The following IQSEC3 variants were observed in gnomAD, a reference collection of about 807,000 sequenced individuals.
IQSEC3 encodes IQ motif and Sec7 domain ArfGEF 3.
IQSEC3 carries 50 observed loss-of-function variants against 105.4 expected under a neutral mutation model. The observed-to-expected ratio is 0.47, with a 90% CI of 0.38 to 0.60. IQSEC3 has a LOEUF of 0.60. Ranked by LOEUF, IQSEC3 falls within the 20% of genes least tolerant of loss-of-function variation. The pLI, the probability that IQSEC3 is intolerant of heterozygous loss-of-function variation, is 0.00. For missense variants in IQSEC3, 1,415 were observed against 1,630.0 expected (o/e 0.87, Z 2.27); for synonymous variants, 708 against 746.0 (o/e 0.95, Z 0.83).
chr12:137,795 C>T (rs1865827246), intron 3 of IQSEC3, among the ~76,000 whole-genome samples: 1 of 151,702 alleles, frequency 6.6e-6, no homozygotes, highest in Non-Finnish European at 1.5e-5. Flanking sequence ...CTGAGGACCA[C>T]AGGCGTGCGC....
chr12:89,392 T>A (rs1193090474), intron 1 of IQSEC3, among the ~76,000 whole-genome samples: 2 of 152,196 alleles, frequency 1.3e-5, no homozygotes, highest in African/African-American at 2.4e-5. Flanking sequence ...AGCCTCTTGA[T>A]AAAATAGCAA....
intron 1 of IQSEC3, among the ~76,000 whole-genome samples, chr12:78,326 C>A (rs576466655): frequency 6.6e-6 from 1 of 150,858 alleles, no homozygotes; most frequent in South Asian, 2.1e-4. Flanking sequence ...CGCCCCTCCT[C>A]GGCCTCCACG....
At chr12:156,517 A>G (rs1866692821) in intron 5 of IQSEC3, among the ~76,000 whole-genome samples, 1 of 151,670 alleles carries the variant, frequency 6.6e-6, no homozygotes, top group Non-Finnish European at 1.5e-5. Flanking sequence ...GCTGGGCTGC[A>G]GAAAGCCCCA....
chr12:100,834 G>A (rs915992767), intron 2 of IQSEC3, among the ~76,000 whole-genome samples: 22 of 152,156 alleles, frequency 1.4e-4, no homozygotes, highest in African/African-American at 3.9e-4. Flanking sequence ...AACGGTGGAG[G>A]GAGAAGGAAA....
intron 3 of IQSEC3, among the ~76,000 whole-genome samples, chr12:131,027 C>A (rs1455555241): frequency 6.8e-5 from 4 of 58,602 alleles, no homozygotes; most frequent in Non-Finnish European, 1.1e-4. Context: ...TCTTCCTCCC[C>A]ACACCTGGCC....
chr12:134,030 T>A (rs55881607), intron 3 of IQSEC3, among the ~76,000 whole-genome samples: 2 of 152,252 alleles, frequency 1.3e-5, no homozygotes, highest in Non-Finnish European at 2.9e-5. Flanking sequence ...TGGGGAGATC[T>A]GTGGCCAGGT....
intron 5 of IQSEC3, among the ~76,000 whole-genome samples, chr12:142,855 A>G (rs782004172): frequency 2.6e-5 from 4 of 152,024 alleles, no homozygotes; most frequent in African/African-American, 4.8e-5. Flanking sequence ...GCTTTCCTGC[A>G]CTGTTGTCCC....
At position 141,281 on chromosome 12, in the gene IQSEC3, C is replaced by G. The variant is rs1456330955; in HGVS notation, c.2149C>G (p.Leu717Val). Reference protein sequence around the residue: ...NSKKQFNRDVLDCVVDEMDFS... With the variant: ...NSKKQFNRDVVDCVVDEMDFS... ...CAAGAAGCAGTTCAACCGCGACGTG[C>G]TGGAGTGAGTACCCCACACTCCGGG... is the stretch of plus-strand genomic sequence containing the variant. The change falls in exon 5 of 14, where the codon CTG (leucine) becomes GTG (valine). Residue 717 changes from leucine (L) to valine (V), a missense_variant. Around this residue, in one of 6 missense-constraint regions of IQSEC3, gnomAD observed 213 missense variants for 306.2 expected, o/e 0.70. Coordinates refer to ENST00000538872, the MANE Select transcript of IQSEC3 (RefSeq NM_001170738.2). 3.7e-6 allele frequency: 6 copies of G among 1,613,486 alleles called. No homozygotes were observed. The highest frequency in any genetic ancestry group is 5.1e-6 in the Non-Finnish European group (6 of 1,179,514).
At chr12:85,424 G>A (rs1555071793) in intron 1 of IQSEC3, among the ~76,000 whole-genome samples, 1 of 152,270 alleles carries the variant, frequency 6.6e-6, no homozygotes, top group East Asian at 1.9e-4. Flanking sequence ...AATTCATGCT[G>A]TGCTGCCACG....
At chr12:74,325 T>C (rs868962089) in intron 1 of IQSEC3, among the ~76,000 whole-genome samples, 34 of 152,340 alleles carry the variant, frequency 2.2e-4, no homozygotes, top group Non-Finnish European at 4.1e-4. Context: ...TTTTCTTCTC[T>C]TAAAGACTTT....
chr12:118,454 T>G (rs1245885592), intron 2 of IQSEC3, among the ~76,000 whole-genome samples: 1 of 151,180 alleles, frequency 6.6e-6, no homozygotes, highest in Non-Finnish European at 1.5e-5. Flanking sequence ...GTTGTTAGCT[T>G]TTGTCTAGAA....
chr12:116,648 G>A (rs189657397), intron 2 of IQSEC3, among the ~76,000 whole-genome samples: 195 of 152,356 alleles, frequency 1.3e-3, no homozygotes, highest in African/African-American at 4.5e-3. Flanking sequence ...TTCCAGTCTT[G>A]CCAGCATGGA....
At chr12:82,271 T>A (rs2136885599) in intron 1 of IQSEC3, among the ~76,000 whole-genome samples, 1 of 152,166 alleles carries the variant, frequency 6.6e-6, no homozygotes, top group East Asian at 1.9e-4. Context: ...GAAATGATAT[T>A]TCTGGGGCTT....
intron 2 of IQSEC3, among the ~76,000 whole-genome samples, chr12:122,231 G>T (rs539690716): frequency 2.4e-4 from 36 of 152,282 alleles, no homozygotes; most frequent in African/African-American, 8.2e-4. Flanking sequence ...GGGCCAGTGG[G>T]CCTTGATAGG....
chr12:158,111 G>A (rs1266666433), intron 7 of IQSEC3, among the ~76,000 whole-genome samples: 8 of 152,094 alleles, frequency 5.3e-5, no homozygotes, highest in Admixed American at 1.3e-4. Context: ...TTCTCTCATC[G>A]ATGCAGCGCA....
intron 2 of IQSEC3, among the ~76,000 whole-genome samples, chr12:114,876 C>T (rs1865002019): frequency 6.6e-6 from 1 of 152,216 alleles, no homozygotes; most frequent in African/African-American, 2.4e-5. Context: ...AGACAGTGAG[C>T]AGATATTCCA....
intron 2 of IQSEC3, among the ~76,000 whole-genome samples, chr12:108,721 G>A (rs1260495246): frequency 6.6e-6 from 1 of 152,228 alleles, no homozygotes; most frequent in Non-Finnish European, 1.5e-5. Flanking sequence ...GGCCTTTCAG[G>A]GTGTCTTTAG....
Position 174,704 on chromosome 12 carries a change from C to G in IQSEC3, c.3220C>G (p.Gln1074Glu), listed in dbSNP as rs2137076998. 6.3e-7 allele frequency: 1 copy of G among 1,593,914 alleles called. No individual in the cohort carries two copies. Among genetic ancestry groups the G allele is most frequent in the South Asian group, 1.1e-5 (1 of 89,908 alleles). The change falls in exon 14 of 14, where the codon CAG (glutamine) becomes GAG (glutamate). Residue 1074 changes from glutamine to glutamate, a missense_variant. Physicochemically the swap from Gln to Glu is conservative, Grantham distance 29 (BLOSUM62 2). Coordinates refer to ENST00000538872, the MANE Select transcript of IQSEC3 (RefSeq NM_001170738.2). ...AGACCTGCAGCCTAGCCCCCCGAGA[C>G]AGCAGACCCCACCACTGCCGCCGCC... ...PPDLQPSPPRQQTPPLPPPPP... is the reference protein window; with the variant it reads ...PPDLQPSPPREQTPPLPPPPP...
intron 13 of IQSEC3, among the ~76,000 whole-genome samples, chr12:173,781 A>G (rs996926457): frequency 2.0e-5 from 3 of 152,132 alleles, no homozygotes; most frequent in Non-Finnish European, 4.4e-5. Context: ...CCTTCCACCC[A>G]TCTCCTCCAC....
Sources: allele counts gnomAD v4.1 joint callset (sites outside exome capture counted in the v4.1 genomes callset), GRCh38; gene constraint gnomAD v4.1.1; regional missense constraint gnomAD v4.1.1; transcripts MANE v1.5; gene names NCBI Gene and HGNC (gene_info 2026-07-23, HGNC 2026-07-21).